The following L3MBTL3 variants were observed in gnomAD, a reference collection of about 807,000 sequenced individuals.
L3MBTL3 encodes lethal(3)malignant brain tumor-like protein 3.
L3MBTL3 carries 27 observed loss-of-function variants against 102.3 expected under a neutral mutation model. That is an observed-to-expected ratio of 0.26 (90% confidence interval 0.19 to 0.36). The LOEUF is 0.36. Among genes scored for constraint, L3MBTL3 ranks in the 10% least tolerant of loss-of-function variants. The pLI is 1.00. For synonymous variants in L3MBTL3, 340 were observed against 320.9 expected, an observed-to-expected ratio of 1.06 and a Z score of -0.64; for missense variants, 798 against 955.3, an observed-to-expected ratio of 0.84 and a Z score of 2.17.
chr6:130,131,558 A>G (rs1056107806), intron 20 of L3MBTL3, among the ~76,000 whole-genome samples: 8 of 152,230 alleles, frequency 5.3e-5, no homozygotes, highest in African/African-American at 9.6e-5. Context: ...CCAGGAGAGG[A>G]TTCTTGGGTC....
chr6:130,057,622 G>A (rs1164168798), intron 9 of L3MBTL3, 125 bp downstream of exon 9: 14 of 790,248 alleles, frequency 1.8e-5, no homozygotes, highest in Middle Eastern at 3.1e-4. Flanking sequence ...GTTTTCATGC[G>A]TGTGTTTATA....
chr6:130,079,444 T>G lies in L3MBTL3; in HGVS notation c.1321+810T>G, dbSNP rs576077734. Among the ~76,000 whole-genome samples, 3 of 152,316 alleles carry G rather than the reference T, an allele frequency of 2.0e-5. No individual in the cohort carries two copies. The East Asian group carries it at 5.8e-4, about 29-fold the overall frequency. On this transcript the variant is annotated intron_variant, in intron 14 of 22. Coordinates refer to ENST00000361794, the MANE Select transcript of L3MBTL3 (RefSeq NM_032438.4). ...GTTTTATATCATTTTGAGTTTATTT[T>G]ATGTGCTAAAGAACAGATTCTGCGG...
rs547370624 is a variant in L3MBTL3 at position 130,116,235 on chromosome 6, TGTGCTAA to T, written c.1887-4638_1887-4632del. Among the ~76,000 whole-genome samples the T allele has an allele frequency of 6.9e-3, 1,046 of 152,368 alleles. 10 individuals are homozygous for T. Among genetic ancestry groups the T allele is most frequent in the South Asian group, 0.02 (95 of 4,830 alleles). On this transcript the variant is annotated intron_variant, in intron 19 of 22. Coordinates refer to ENST00000361794, the MANE Select transcript of L3MBTL3 (RefSeq NM_032438.4). ...ATGCTCCTACTTAAGTGCCTGGCTC[TGTGCTAA>T]GTGCTTTCTATACATTATTTTATTT...
At chr6:130,039,118 T>A (rs894433755) in intron 2 of L3MBTL3, among the ~76,000 whole-genome samples, 18 of 152,250 alleles carry the variant, frequency 1.2e-4, no homozygotes, top group African/African-American at 3.8e-4. Context: ...AAAACTAGGA[T>A]GTAGTAGAAT....
chr6:130,021,281 C>G (rs1778997591), intron 1 of L3MBTL3, among the ~76,000 whole-genome samples: 4 of 152,276 alleles, frequency 2.6e-5, no homozygotes, highest in Admixed American at 2.6e-4. Flanking sequence ...GGCCTTTACT[C>G]GTAGCTACGT....
At chr6:130,128,351 T>C (rs1033179805) in intron 20 of L3MBTL3, among the ~76,000 whole-genome samples, 1 of 152,188 alleles carries the variant, frequency 6.6e-6, no homozygotes, top group African/African-American at 2.4e-5. Context: ...TTTATCTTGC[T>C]GCTCTGCCTT....
At chr6:130,088,199 T>C (rs1222934954) in intron 16 of L3MBTL3, among the ~76,000 whole-genome samples, 1 of 152,140 alleles carries the variant, frequency 6.6e-6, no homozygotes, top group Non-Finnish European at 1.5e-5. Context: ...TTGACAATTA[T>C]CTTTTGGTAA....
intron 17 of L3MBTL3, 152 bp downstream of exon 17, chr6:130,093,011 G>T (rs1011256655): frequency 4.1e-5 from 20 of 491,264 alleles, no homozygotes; most frequent in Admixed American, 1.2e-4. Flanking sequence ...TAATTACCAC[G>T]GTCACAGAAA....
At chr6:130,045,657 C>G (rs1780683666) in intron 3 of L3MBTL3, among the ~76,000 whole-genome samples, 1 of 151,974 alleles carries the variant, frequency 6.6e-6, no homozygotes, top group Non-Finnish European at 1.5e-5. Context: ...ACCTTCATAT[C>G]AAAAGAGATG....
chr6:130,099,656 C>T (rs1379048921), intron 18 of L3MBTL3, among the ~76,000 whole-genome samples: 2 of 152,018 alleles, frequency 1.3e-5, no homozygotes, highest in African/African-American at 2.4e-5. Flanking sequence ...ATTTTTATTC[C>T]AAGGGCTGGT....
At chr6:130,131,755 T>C (rs1787065438) in intron 20 of L3MBTL3, among the ~76,000 whole-genome samples, 1 of 152,232 alleles carries the variant, frequency 6.6e-6, no homozygotes, top group Non-Finnish European at 1.5e-5. Context: ...ATAGGGTAAC[T>C]TCCTGATGTT....
chr6:130,131,582 A>C (rs1239604489), intron 20 of L3MBTL3, among the ~76,000 whole-genome samples: 1 of 152,160 alleles, frequency 6.6e-6, no homozygotes, highest in Non-Finnish European at 1.5e-5. Flanking sequence ...CGCAAGAAAG[A>C]ATTTGGGGCA....
chr6:130,119,858 G>A (rs899125417), intron 19 of L3MBTL3, among the ~76,000 whole-genome samples: 1 of 152,146 alleles, frequency 6.6e-6, no homozygotes, highest in Non-Finnish European at 1.5e-5. Context: ...TGCTTACTGT[G>A]TTAGTGTCAT....
intron 19 of L3MBTL3, among the ~76,000 whole-genome samples, chr6:130,108,215 A>C (rs1785102584): frequency 8.0e-6 from 1 of 124,616 alleles, no homozygotes. Flanking sequence ...AATAAATGTT[A>C]GGTGGTTTTT....
chr6:130,108,579 T>A (rs1248363869), intron 19 of L3MBTL3, among the ~76,000 whole-genome samples: 2 of 152,168 alleles, frequency 1.3e-5, no homozygotes, highest in Non-Finnish European at 2.9e-5. Context: ...TAGATTACTT[T>A]GTTTCATTAT....
intron 15 of L3MBTL3, 142 bp from the exon 16 acceptor site, chr6:130,085,998 C>T (rs1251025196): frequency 3.5e-6 from 2 of 577,790 alleles, no homozygotes; most frequent in African/African-American, 2.6e-5. Flanking sequence ...AGTGATCCGC[C>T]CGCCTCAGCC....
At chr6:130,043,605 T>G (rs1780560903) in intron 3 of L3MBTL3, among the ~76,000 whole-genome samples, 1 of 152,214 alleles carries the variant, frequency 6.6e-6, no homozygotes, top group Admixed American at 6.5e-5. Flanking sequence ...ACTTGATCGT[T>G]CAGGTATTTG....
intron 2 of L3MBTL3, among the ~76,000 whole-genome samples, chr6:130,035,600 G>A (rs567937424): frequency 3.3e-5 from 5 of 152,332 alleles, no homozygotes; most frequent in South Asian, 2.1e-4. Context: ...TAATGGTCTC[G>A]GTCTTCAGTA....
At chr6:130,069,366 T>A (rs941469285) in intron 12 of L3MBTL3, among the ~76,000 whole-genome samples, 4 of 152,172 alleles carry the variant, frequency 2.6e-5, no homozygotes. Context: ...CCAAAAATCC[T>A]TCATTTGGGA....
Sources: gnomAD v4.1 joint callset for allele counts (sites outside exome capture counted in the v4.1 genomes callset) on GRCh38, gnomAD v4.1.1 for gene constraint, MANE v1.5 for transcripts, NCBI Gene and HGNC (gene_info 2026-07-23, HGNC 2026-07-21) for gene names.